CEP57L1: variants seen among roughly 807,000 people sequenced by gnomAD.
CEP57L1 encodes centrosomal protein 57 like 1, also known as centrosomal protein CEP57L1.
Under a neutral mutation model 61.0 loss-of-function variants are expected in CEP57L1, and 37 were observed. The ratio of observed to expected loss-of-function variants is 0.61; its 90% CI spans 0.47 to 0.80. CEP57L1 has a LOEUF of 0.80. Ranked by LOEUF, CEP57L1 falls within the 30% of genes least tolerant of loss-of-function variation. The pLI is 0.00. For synonymous variants in CEP57L1, 137 were observed against 162.3 expected (o/e 0.84, Z 1.19); for missense variants, 422 against 524.7 (o/e 0.80, Z 1.91).
At chr6:109,101,112 A>AAAAAC (rs544769023) in intron 1 of CEP57L1, among the ~76,000 whole-genome samples, 157 of 152,358 alleles carry the variant, frequency 1.0e-3, no homozygotes, top group African/African-American at 3.6e-3. Context: ...GTCTTAGGAA[A>AAAAAC]AAAACAAAAC....
intron 2 of CEP57L1, 62 bp from the exon 3 acceptor site, chr6:109,146,696 A>G: frequency 9.1e-7 from 1 of 1,094,874 alleles, no homozygotes; most frequent in Non-Finnish European, 1.3e-6. Context: ...TTCTTATGTT[A>G]CTTTGATTGT....
rs373000667 is a variant in CEP57L1 at position 109,136,561 on chromosome 6, T to TAA, written c.-3-8643_-3-8642dup. Among the ~76,000 whole-genome samples, 387 of 138,144 alleles carry TAA rather than the reference T, an allele frequency of 2.8e-3. 1 individual carries two copies. The highest frequency in any genetic ancestry group is 7.6e-3 in the Middle Eastern group (2 of 262). 90.6% of individuals were successfully genotyped at this position (138,144 alleles called of 152,430 possible). On this transcript the variant is annotated intron_variant, in intron 1 of 10. Coordinates refer to ENST00000517392, the MANE Select transcript of CEP57L1 (RefSeq NM_001271852.3). ...CACATGTACCCTAAAACTATAAGTATAAAAAAAAAAAAAAAAGATACCATT... is the reference window on the plus strand; with the variant it reads ...CACATGTACCCTAAAACTATAAGTATAAAAAAAAAAAAAAAAAAGATACCATT...
chr6:109,146,727 TTAAAA>T, intron 2 of CEP57L1, 26 bp from the exon 3 acceptor site: 1 of 1,459,748 alleles, frequency 6.9e-7, no homozygotes, highest in Non-Finnish European at 9.2e-7. Flanking sequence ...AAACTTTCAC[TTAAAA>T]TATCAACAAA....
intron 1 of CEP57L1, among the ~76,000 whole-genome samples, chr6:109,113,691 G>A (rs1366724214): frequency 1.3e-5 from 2 of 152,050 alleles, no homozygotes; most frequent in African/African-American, 2.4e-5. Context: ...GATGTTAAAT[G>A]TGAAAAAATG....
intron 1 of CEP57L1, among the ~76,000 whole-genome samples, chr6:109,138,598 A>G (rs1770996665): frequency 1.3e-5 from 2 of 152,214 alleles, no homozygotes; most frequent in Non-Finnish European, 2.9e-5. Flanking sequence ...TGCTTTCCAG[A>G]AAAGTGTTAT....
rs80051840 is a variant in CEP57L1 at position 109,097,815 on chromosome 6, T to C, written c.-4+2240T>C. Among the ~76,000 whole-genome samples, 1,265 of 152,170 alleles carry C rather than the reference T, an allele frequency of 8.3e-3. 24 individuals are homozygous for C. The highest frequency in any genetic ancestry group is 0.029 in the African/African-American group (1,214 of 41,512). ...AAAGACATAATCCAGAAGGGGACAA[T>C]TGAGATATGAAGTAGGGGAGGGAAT... On this transcript the variant is annotated intron_variant, in intron 1 of 10. Coordinates refer to ENST00000517392, the MANE Select transcript of CEP57L1 (RefSeq NM_001271852.3).
chr6:109,147,252 A>C (rs1211911168), intron 3 of CEP57L1, among the ~76,000 whole-genome samples: 1 of 152,094 alleles, frequency 6.6e-6, no homozygotes, highest in Non-Finnish European at 1.5e-5. Flanking sequence ...GTAATTGAAT[A>C]TTTATTTTTT....
Position 109,173,727 on chromosome 6 carries a change from T to G in CEP57L1, c.*10757T>G, listed in dbSNP as rs1234069924. ...CTCTGGGATTACAGGCATGAGCCAC[T>G]GTGCCCGGCAGAATTTTTCTGTGTC... On this transcript the variant is annotated 3_prime_UTR_variant, in exon 11 of 11. Coordinates refer to ENST00000517392, the MANE Select transcript of CEP57L1 (RefSeq NM_001271852.3). 6.6e-6 allele frequency among the ~76,000 whole-genome samples: 1 copy of G among 151,524 alleles called. No homozygotes were observed. Among genetic ancestry groups the G allele is most frequent in the Non-Finnish European group, 1.5e-5 (1 of 67,904 alleles).
In CEP57L1 at chr6:109,154,295, T is replaced by C. The variant is rs114918563; in HGVS notation, c.579+346T>C. ...TCTTCATCCTTTTTCCCTCCAAATC[T>C]TTTCCATTTTATAGGGTTTTCTCAC... On this transcript the variant is annotated intron_variant, in intron 5 of 10. Coordinates refer to ENST00000517392, the MANE Select transcript of CEP57L1 (RefSeq NM_001271852.3). Among the ~76,000 whole-genome samples, 1,138 of 152,232 alleles carry C rather than the reference T, an allele frequency of 7.5e-3. 18 individuals are homozygous for C. Among genetic ancestry groups the C allele is most frequent in the African/African-American group, 0.026 (1,090 of 41,554 alleles).
In CEP57L1 at chr6:109,155,264, A is replaced by G. The variant is rs766303328; in HGVS notation, c.614A>G (p.Glu205Gly). 1.3e-6 allele frequency: 2 copies of G among 1,597,660 alleles called. 1 individual carries two copies. Among genetic ancestry groups the G allele is most frequent in the South Asian group, 2.3e-5 (2 of 88,012 alleles). The stretch of plus-strand genomic sequence containing the variant: ...AAACATTTAGAAGAAAAACTTAAGG[A>G]AGAAGAACATCAGCGTAAGCTATTT... ...KIKHLEEKLK[E>G]EEHQRKLFQD... The change falls in exon 6 of 11, where the codon GAA (glutamate) becomes GGA (glycine). Residue 205 changes from glutamate to glycine, a missense_variant. Physicochemically the swap from Glu to Gly is moderately conservative, Grantham distance 98 (BLOSUM62 -2). Coordinates refer to ENST00000517392, the MANE Select transcript of CEP57L1 (RefSeq NM_001271852.3).
intron 1 of CEP57L1, among the ~76,000 whole-genome samples, chr6:109,139,516 T>G (rs540618428): frequency 5.3e-5 from 8 of 151,444 alleles, no homozygotes; most frequent in African/African-American, 1.9e-4. Flanking sequence ...TCACTCTGTC[T>G]CCCAGGCTGG....
At chr6:109,104,564 T>A (rs933690703) in intron 1 of CEP57L1, among the ~76,000 whole-genome samples, 1 of 151,970 alleles carries the variant, frequency 6.6e-6, no homozygotes, top group African/African-American at 2.4e-5. Context: ...TAGGCGTGTT[T>A]TTTTGTTTGT....
chr6:109,151,363 A>C (rs1279427119), intron 4 of CEP57L1, among the ~76,000 whole-genome samples: 1 of 152,202 alleles, frequency 6.6e-6, no homozygotes, highest in Non-Finnish European at 1.5e-5. Flanking sequence ...GATCCTTTTT[A>C]ATAGCTGCTC....
chr6:109,098,383 G>A (rs1447816405), intron 1 of CEP57L1, among the ~76,000 whole-genome samples: 3 of 152,062 alleles, frequency 2.0e-5, no homozygotes, highest in Non-Finnish European at 4.4e-5. Context: ...CTAACCTCAA[G>A]TGATCCACCC....
chr6:109,146,328 C>T (rs1054580525), intron 2 of CEP57L1, among the ~76,000 whole-genome samples: 9 of 151,724 alleles, frequency 5.9e-5, no homozygotes, highest in Admixed American at 1.3e-4. Context: ...TTGACTAAAA[C>T]GGAATACCTC....
Position 109,146,874 on chromosome 6 carries a change from G to C in CEP57L1, c.277G>C (p.Ala93Pro), listed in dbSNP as rs554686719. The C allele has an allele frequency of 1.2e-6, 2 of 1,609,796 alleles. No homozygotes were observed. Among genetic ancestry groups the C allele is most frequent in the East Asian group, 4.5e-5 (2 of 44,520 alleles). The stretch of plus-strand genomic sequence containing the variant: ...CAGAGAAGCAGCACAGTATAAGAAG[G>C]CCTTAGAGAATGAAACAAATGAGAG... Reference protein sequence around the residue: ...LSREAAQYKKALENETNERNL... With the variant: ...LSREAAQYKKPLENETNERNL... Residue 93 changes from alanine (A) to proline (P), a missense_variant, in exon 3 of 11, where the codon GCC (alanine) becomes CCC (proline). Transcript: ENST00000517392.
chr6:109,097,298 CCCT>C (rs1336888389), intron 1 of CEP57L1, among the ~76,000 whole-genome samples: 6 of 152,182 alleles, frequency 3.9e-5, no homozygotes, highest in Admixed American at 3.3e-4. Context: ...TTCACAATGA[CCCT>C]CCTCCATTAG....
chr6:109,107,238 C>G (rs1424006758), intron 1 of CEP57L1, among the ~76,000 whole-genome samples: 1 of 151,482 alleles, frequency 6.6e-6, no homozygotes, highest in Non-Finnish European at 1.5e-5. Flanking sequence ...AACCATGATT[C>G]ACGAATTCTG....
chr6:109,106,548 G>A (rs1199256641), intron 1 of CEP57L1, among the ~76,000 whole-genome samples: 1 of 152,072 alleles, frequency 6.6e-6, no homozygotes, highest in Non-Finnish European at 1.5e-5. Context: ...TTTTCCCTAA[G>A]ACTTTGAGTT....
Sources: allele counts gnomAD v4.1 joint callset (sites outside exome capture counted in the v4.1 genomes callset), GRCh38; gene constraint gnomAD v4.1.1; transcripts MANE v1.5; gene names NCBI Gene and HGNC (gene_info 2026-07-23, HGNC 2026-07-21).